COPS8: variants seen among roughly 807,000 people sequenced by gnomAD.
The protein encoded by COPS8 is COP9 signalosome subunit 8, also known as COP9 signalosome complex subunit 8.
Under a neutral mutation model 31.5 loss-of-function variants are expected in COPS8, and 11 were observed. That is an observed-to-expected ratio of 0.35 (90% CI 0.22 to 0.58). COPS8 has a LOEUF of 0.58. Ranked by LOEUF, COPS8 falls within the 20% of genes least tolerant of loss-of-function variation. COPS8 has a pLI of 0.83. For missense variants in COPS8, 215 were observed against 255.1 expected (o/e 0.84, Z 1.07); for synonymous variants, 81 against 89.3 (o/e 0.91, Z 0.52).
At chr2:237,090,339 G>A (rs1559299125) in intron 4 of COPS8, among the ~76,000 whole-genome samples, 3 of 152,164 alleles carry the variant, frequency 2.0e-5, no homozygotes, top group Admixed American at 6.5e-5. Flanking sequence ...TTTGAATTTT[G>A]TCAGCCTCAG....
At chr2:237,093,941 A>C in intron 4 of COPS8, 149 bp from the exon 5 acceptor site, 1 of 1,391,160 alleles carries the variant, frequency 7.2e-7, no homozygotes, top group Non-Finnish European at 9.3e-7. Flanking sequence ...TACTGGGCAT[A>C]TGTATTTGTA....
chr2:237,096,958 T>C, intron 7 of COPS8, 89 bp downstream of exon 7: 1 of 872,734 alleles, frequency 1.1e-6, no homozygotes, highest in South Asian at 1.5e-5. Context: ...TGTGAGTGTG[T>C]GTATCTATTT....
At chr2:237,086,773 C>T (rs1262687792) in intron 1 of COPS8, 13 of 982,292 alleles carry the variant, frequency 1.3e-5, no homozygotes, top group African/African-American at 3.5e-5. Context: ...CTTCAGGAAT[C>T]TGTCGAATTT....
At chr2:237,088,198 G>A (rs1248288016) in intron 2 of COPS8, among the ~76,000 whole-genome samples, 2 of 152,162 alleles carry the variant, frequency 1.3e-5, no homozygotes, top group Non-Finnish European at 2.9e-5. Flanking sequence ...TGGTAGGAGG[G>A]GCTGTAATCG....
At chr2:237,096,340 A>G (rs1199606549) in intron 6 of COPS8, among the ~76,000 whole-genome samples, 5 of 152,032 alleles carry the variant, frequency 3.3e-5, no homozygotes, top group African/African-American at 9.7e-5. Context: ...CTTAATTTCT[A>G]TGACCTGCCC....
chr2:237,096,888 A>T lies in COPS8; in HGVS notation c.550+19A>T. 1 of 1,558,336 alleles carries T rather than the reference A, an allele frequency of 6.4e-7. No homozygotes were observed. Reference sequence around the variant, plus strand: ...TTATCAGGTATGTATTTTCATATGCACATTTTTTAATGTCTCATTGTTCCT... The same window carrying T: ...TTATCAGGTATGTATTTTCATATGCTCATTTTTTAATGTCTCATTGTTCCT... On this transcript the variant is annotated intron_variant, in intron 7 of 7. Transcript: ENST00000354371.
At position 237,087,952 on chromosome 2, in the gene COPS8, CAA is replaced by C. The variant is rs199564314; in HGVS notation, c.150-637_150-636del. On this transcript the variant is annotated intron_variant, in intron 2 of 7. Coordinates refer to ENST00000354371, the MANE Select transcript of COPS8 (RefSeq NM_006710.5). ...CTGTCTCAAAAGGAAAGCATAACTG[CAA>C]AAAAAAAAAAAAAAAGTCTCCTATA... Among the ~76,000 whole-genome samples the C allele has an allele frequency of 3.9e-3, 388 of 99,342 alleles. 3 individuals carry two copies. Among genetic ancestry groups the C allele is most frequent in the African/African-American group, 0.011 (323 of 30,706 alleles). The allele number at this position is 99,342 out of a possible 152,430, so 65.2% of individuals were successfully genotyped here.
intron 4 of COPS8, among the ~76,000 whole-genome samples, chr2:237,090,542 T>G (rs1223352227): frequency 6.6e-6 from 1 of 152,228 alleles, no homozygotes; most frequent in East Asian, 1.9e-4. Context: ...GTCCTCCTGG[T>G]TCACTCTTTA....
chr2:237,093,744 T>G (rs1412616684), intron 4 of COPS8: 1 of 992,266 alleles, frequency 1.0e-6, no homozygotes, highest in African/African-American at 1.7e-5. Flanking sequence ...TTCCAGCATT[T>G]GTAAATGAAA....
chr2:237,089,941 T>A lies in COPS8; in HGVS notation c.278T>A (p.Ile93Asn). 6.2e-7 allele frequency: 1 copy of A among 1,614,056 alleles called. No homozygotes were observed. The highest frequency in any genetic ancestry group is 8.5e-7 in the Non-Finnish European group (1 of 1,179,972). ...GATTTCCCTGGGATCTATACAACCA[T>A]CAACGCTCACCAGTGGTCTGAGACG... ...QRDFPGIYTT[I>N]NAHQWSETVQ... Residue 93 changes from isoleucine to asparagine, a missense_variant, in exon 4 of 8, where the codon ATC becomes AAC. Coordinates refer to ENST00000354371, the MANE Select transcript of COPS8 (RefSeq NM_006710.5).
intron 7 of COPS8, among the ~76,000 whole-genome samples, chr2:237,097,190 G>T (rs1437168477): frequency 2.0e-5 from 3 of 149,572 alleles, no homozygotes; most frequent in Non-Finnish European, 3.0e-5. Context: ...TTAAATGTTG[G>T]AATGTAAATT....
rs746814284 is a variant in COPS8 at position 237,089,878 on chromosome 2, G to A, written c.215G>A (p.Gly72Glu). The A allele has an allele frequency of 1.9e-6, 3 of 1,612,486 alleles. No homozygotes were observed. Among genetic ancestry groups the A allele is most frequent in the African/African-American group, 2.7e-5 (2 of 74,972 alleles). Residue 72 changes from glycine (G) to glutamate (E), a missense_variant, in exon 4 of 8, where the codon GGG becomes GAG. Transcript: ENST00000354371. Reference protein sequence around the residue: ...PAIKSANSELGGIWSVGQRIW... With the variant: ...PAIKSANSELEGIWSVGQRIW... Reference sequence around the variant, plus strand: ...TTATTGCAGGCAAATTCTGAACTTGGGGGAATTTGGTCAGTAGGACAAAGA... The same window carrying A: ...TTATTGCAGGCAAATTCTGAACTTGAGGGAATTTGGTCAGTAGGACAAAGA...
Position 237,097,891 on chromosome 2 carries a change from A to T in COPS8, c.*149A>T. ...AAAATACATATAGAATATAAGATAT[A>T]CTATATACATTTTGTCCATAAACGT... On this transcript the variant is annotated 3_prime_UTR_variant, in exon 8 of 8. Transcript: ENST00000354371. 2 of 554,798 alleles carry T rather than the reference A, an allele frequency of 3.6e-6. No homozygotes were observed. The highest frequency in any genetic ancestry group is 6.4e-6 in the Non-Finnish European group (2 of 314,154). 34.4% of individuals were successfully genotyped at this position (554,798 alleles called of 1,614,324 possible).
At chr2:237,091,300 C>G (rs550644329) in intron 4 of COPS8, among the ~76,000 whole-genome samples, 11 of 152,322 alleles carry the variant, frequency 7.2e-5, no homozygotes, top group Non-Finnish European at 1.3e-4. Context: ...AGTTCAAATT[C>G]TGATTCTGTC....
At chr2:237,088,758 C>A (rs1322079804) in intron 3 of COPS8, 105 bp downstream of exon 3, 7 of 674,108 alleles carry the variant, frequency 1.0e-5, no homozygotes, top group South Asian at 2.1e-5. Context: ...TAGTAATAGT[C>A]ATCAGATTGG....
chr2:237,096,419 C>T (rs1302879539), intron 6 of COPS8, among the ~76,000 whole-genome samples: 1 of 152,184 alleles, frequency 6.6e-6, no homozygotes, highest in Non-Finnish European at 1.5e-5. Context: ...TCATTCCCGC[C>T]TGATAGTTTC....
In COPS8 at chr2:237,085,897, C is replaced by A; in HGVS notation, c.-68C>A. 2 of 1,463,422 alleles carry A rather than the reference C, an allele frequency of 1.4e-6. No individual in the cohort carries two copies. The highest frequency in any genetic ancestry group is 1.9e-6 in the Non-Finnish European group (2 of 1,060,524). The allele number at this position is 1,463,422 out of a possible 1,614,324, so 90.7% of individuals were successfully genotyped here. ...CGGCGGCTTTAAACGTCATCGCGGG[C>A]GCGACGCCTGAGGGACAGTCTGGGG... On this transcript the variant is annotated 5_prime_UTR_variant, in exon 1 of 8. Coordinates refer to ENST00000354371, the MANE Select transcript of COPS8 (RefSeq NM_006710.5).
chr2:237,097,156 G>A (rs570227413), intron 7 of COPS8, among the ~76,000 whole-genome samples: 6 of 151,448 alleles, frequency 4.0e-5, no homozygotes, highest in Non-Finnish European at 5.9e-5. Flanking sequence ...TTCAGAAGGC[G>A]TCCCCAGGCT....
chr2:237,088,803 TA>T (rs1696661021), intron 3 of COPS8, 150 bp downstream of exon 3: 1 of 509,582 alleles, frequency 2.0e-6, no homozygotes, highest in Non-Finnish European at 3.4e-6. Context: ...CAGAGTCCTC[TA>T]ATCAGAAATT....
Sources: gnomAD v4.1 joint callset for allele counts (sites outside exome capture counted in the v4.1 genomes callset) on GRCh38, gnomAD v4.1.1 for gene constraint, MANE v1.5 for transcripts, NCBI Gene and HGNC (gene_info 2026-07-23, HGNC 2026-07-21) for gene names.